Variants in TBCD observed in about 807,000 individuals in gnomAD.
TBCD encodes tubulin folding cofactor D, also known as tubulin-specific chaperone D.
TBCD carries 105 observed loss-of-function variants against 169.3 expected under a neutral mutation model. That is an observed-to-expected ratio of 0.62 (90% confidence interval 0.53 to 0.73). TBCD has a LOEUF of 0.73. TBCD is among the 30% of genes least tolerant of loss of function. The probability of loss-of-function intolerance (pLI) is 0.00; values close to 1 mark genes in which losing one functional copy is unlikely to be tolerated. For missense variants in TBCD, 1,444 were observed against 1,600.1 expected, an observed-to-expected ratio of 0.90 and a Z score of 1.66; for synonymous variants, 700 against 643.9, an observed-to-expected ratio of 1.09 and a Z score of -1.32.
At chr17:82,803,214 T>C (rs1302561298) in intron 9 of TBCD, among the ~76,000 whole-genome samples, 2 of 152,178 alleles carry the variant, frequency 1.3e-5, no homozygotes, top group Non-Finnish European at 2.9e-5. Context: ...GGTGGGTCTT[T>C]CTCAGCTCTT....
Position 82,870,422 on chromosome 17 carries a change from C to A in TBCD, c.1475+42C>A, listed in dbSNP as rs1243871344. On this transcript the variant is annotated intron_variant, in intron 14 of 38. Coordinates refer to ENST00000355528, the MANE Select transcript of TBCD (RefSeq NM_005993.5). ...AGGTACATCGGATGCGCCGTGCCCC[C>A]TGACGGCGCCGTGTGTCGTTTCCTC... 2.5e-6 allele frequency: 4 copies of A among 1,593,612 alleles called. No homozygotes were observed. The East Asian group carries it at 9.0e-5, about 36-fold the overall frequency.
At chr17:82,888,571 G>T (rs2058912044) in intron 15 of TBCD, among the ~76,000 whole-genome samples, 1 of 152,204 alleles carries the variant, frequency 6.6e-6, no homozygotes. Flanking sequence ...CTCCCAGCCT[G>T]CTGTGAAGCG....
At chr17:82,939,283 GGC>G in intron 36 of TBCD, 82 bp from the exon 37 acceptor site, 2 of 1,098,444 alleles carry the variant, frequency 1.8e-6, no homozygotes, top group Non-Finnish European at 2.7e-6. Flanking sequence ...CCACTGACGG[GGC>G]TCCCTGGCCT....
chr17:82,754,508 T>G (rs2047299838), intron 1 of TBCD, among the ~76,000 whole-genome samples: 1 of 152,276 alleles, frequency 6.6e-6, no homozygotes, highest in Non-Finnish European at 1.5e-5. Context: ...GAATAATGGC[T>G]GGCAATTAGG....
At chr17:82,926,045 T>C (rs77500962) in intron 27 of TBCD, among the ~76,000 whole-genome samples, 7 of 2,900 alleles carry the variant, frequency 2.4e-3, no homozygotes, top group Admixed American at 0.012. Context: ...GGAGGTGACC[T>C]CTCCCCGGGT....
chr17:82,870,016 G>A (rs1599073667), intron 13 of TBCD, among the ~76,000 whole-genome samples: 1 of 152,320 alleles, frequency 6.6e-6, no homozygotes, highest in East Asian at 1.9e-4. Flanking sequence ...GAGTTGGTGA[G>A]CATGCATCTT....
chr17:82,926,721 T>C, intron 28 of TBCD: 1 of 581,332 alleles, frequency 1.7e-6, no homozygotes, highest in Non-Finnish European at 3.0e-6. Context: ...CTTGGAGAAT[T>C]GGAGAATGTG....
At chr17:82,939,049 A>C in intron 36 of TBCD, 1 of 233,032 alleles carries the variant, frequency 4.3e-6, no homozygotes, top group Non-Finnish European at 7.7e-6. Flanking sequence ...GGAGCAGGTT[A>C]GTTAATAGAG....
intron 35 of TBCD, 187 bp downstream of exon 35, chr17:82,937,547 G>T: frequency 1.6e-6 from 1 of 627,712 alleles, no homozygotes; most frequent in Non-Finnish European, 2.8e-6. Flanking sequence ...GGTGCTGGTG[G>T]AGGGAGTTCC....
Position 82,903,347 on chromosome 17 carries a change from T to C in TBCD, c.1731-58T>C. ...TCTCCCTCACTTTCTTTTTATGAATTGAATAAAGCTAGAATCATAAAATGA... is the reference window on the plus strand; with the variant it reads ...TCTCCCTCACTTTCTTTTTATGAATCGAATAAAGCTAGAATCATAAAATGA... On this transcript the variant is annotated intron_variant, in intron 18 of 38. Coordinates refer to ENST00000355528, the MANE Select transcript of TBCD (RefSeq NM_005993.5). This position sits in a 1 kb window ranked among gnomAD's most constrained non-coding sequence, Gnocchi z 4.8. The C allele has an allele frequency of 6.7e-7, 1 of 1,482,932 alleles. No homozygotes were observed. Among genetic ancestry groups the C allele is most frequent in the Non-Finnish European group, 9.2e-7 (1 of 1,083,582 alleles). The allele number at this position is 1,482,932 out of a possible 1,614,324, so 91.9% of individuals were successfully genotyped here.
chr17:82,861,410 A>G (rs1162686432), intron 13 of TBCD, among the ~76,000 whole-genome samples: 2 of 151,972 alleles, frequency 1.3e-5, no homozygotes, highest in Admixed American at 1.3e-4. Flanking sequence ...GAGTGTTCGC[A>G]TGATGCTTTT....
In TBCD at chr17:82,944,182, TGACACTATGTG is replaced by T. The variant is rs1246775022; in HGVS notation, c.*1721_*1731del. 4.6e-5 allele frequency: 7 copies of T among 152,204 alleles called. No homozygotes were observed. The South Asian group carries it at 1.5e-3, about 32-fold the overall frequency. The allele number at this position is 152,204 out of a possible 1,614,324, so 9.4% of individuals were successfully genotyped here. A position where few individuals can be genotyped will look rare whatever the true frequency, so the allele number is the denominator to read the frequency against. ...TCGATTACCCACCCAGACCCATCAG[TGACACTATGTG>T]GCAAAGCAGTTCTTCTTTTAATGTC... is the stretch of plus-strand genomic sequence containing the variant. On this transcript the variant is annotated 3_prime_UTR_variant, in exon 39 of 39. Transcript: ENST00000355528.
Position 82,890,349 on chromosome 17 carries a change from C to T in TBCD, c.1563+652C>T, listed in dbSNP as rs2059044005. Among the ~76,000 whole-genome samples the T allele has an allele frequency of 6.6e-6, 1 of 152,002 alleles. No individual in the cohort carries two copies. The highest frequency in any genetic ancestry group is 2.4e-5 in the African/African-American group (1 of 41,384). On this transcript the variant is annotated intron_variant, in intron 16 of 38. Coordinates refer to ENST00000355528, the MANE Select transcript of TBCD (RefSeq NM_005993.5). This position sits in a 1 kb window ranked among gnomAD's most constrained non-coding sequence, Gnocchi z 5.3. ...GGACCTGGGCGGGGAGCAAAGTTCCCACGAGAAGTCAGCCGAGAAGGCTCT... is the reference window on the plus strand; with the variant it reads ...GGACCTGGGCGGGGAGCAAAGTTCCTACGAGAAGTCAGCCGAGAAGGCTCT...
intron 6 of TBCD, among the ~76,000 whole-genome samples, chr17:82,773,000 A>T (rs1209684080): frequency 6.6e-6 from 1 of 152,218 alleles, no homozygotes; most frequent in Non-Finnish European, 1.5e-5. Flanking sequence ...GAAAGATACC[A>T]AGGATGTGTG....
chr17:82,756,083 A>G (rs530168805), intron 1 of TBCD, 82 bp from the exon 2 acceptor site: 2 of 1,282,646 alleles, frequency 1.6e-6, no homozygotes, highest in African/African-American at 1.5e-5. Context: ...TGTGGAAGCT[A>G]GCAAGGGAAA....
chr17:82,892,124 A>G (rs1055262388), intron 16 of TBCD, among the ~76,000 whole-genome samples: 2 of 151,966 alleles, frequency 1.3e-5, no homozygotes, highest in African/African-American at 2.4e-5. Context: ...TAGCCTGGCC[A>G]GACAGAGCCT....
Position 82,850,092 on chromosome 17 carries a change from G to C in TBCD, c.1319-20132G>C, listed in dbSNP as rs1567887459. ...TGTTGGCTGTGCTGTGCTGCTGTTG[G>C]CTGTGCTGCTGTTGGCTGTGCTGCT... On this transcript the variant is annotated intron_variant, in intron 13 of 38. Transcript: ENST00000355528. Among the ~76,000 whole-genome samples, 579 of 99,982 alleles carry C rather than the reference G, an allele frequency of 5.8e-3. 165 individuals are homozygous for C. Among genetic ancestry groups the C allele is most frequent in the African/African-American group, 7.3e-3 (166 of 22,662 alleles). 65.6% of individuals were successfully genotyped at this position (99,982 alleles called of 152,430 possible). A position where few individuals can be genotyped will look rare whatever the true frequency, so the allele number is the denominator to read the frequency against.
chr17:82,899,012 G>A (rs1037313986), intron 17 of TBCD, among the ~76,000 whole-genome samples: 7 of 152,224 alleles, frequency 4.6e-5, no homozygotes, highest in Admixed American at 2.0e-4. Context: ...CGCGGAGCAG[G>A]GCTGCCCCTC....
rs974923523 is a variant in TBCD at position 82,864,947 on chromosome 17, C to A, written c.1319-5277C>A. Among the ~76,000 whole-genome samples the A allele has an allele frequency of 8.6e-5, 13 of 152,022 alleles. No homozygotes were observed. Among genetic ancestry groups the A allele is most frequent in the African/African-American group, 3.1e-4 (13 of 41,398 alleles). On this transcript the variant is annotated intron_variant, in intron 13 of 38. Coordinates refer to ENST00000355528, the MANE Select transcript of TBCD (RefSeq NM_005993.5). The surrounding 1 kb of genome is among the most constrained non-coding windows in gnomAD (Gnocchi z 6.3). ...CTTGTGTTGGGGGTGGGGCTCCTTG[C>A]CCCCCAAGGGCAGGCCGAGCACCAA...
Sources: allele counts gnomAD v4.1 joint callset (sites outside exome capture counted in the v4.1 genomes callset), GRCh38; gene constraint gnomAD v4.1.1; non-coding constraint Gnocchi (gnomAD v3.1); transcripts MANE v1.5; gene names NCBI Gene and HGNC (gene_info 2026-07-23, HGNC 2026-07-21).